PPM1H: variants seen among roughly 807,000 people sequenced by gnomAD.
The protein encoded by PPM1H is protein phosphatase 1H.
PPM1H carries 27 observed loss-of-function variants against 54.9 expected under a neutral mutation model. The observed-to-expected ratio is 0.49, with a 90% CI of 0.36 to 0.68. The LOEUF is 0.68. Among genes scored for constraint, PPM1H ranks in the 30% least tolerant of loss-of-function variants. PPM1H has a pLI of 0.00. For missense variants in PPM1H, 596 were observed against 667.8 expected (o/e 0.89, Z 1.19); for synonymous variants, 305 against 270.8 (o/e 1.13, Z -1.24).
intron 2 of PPM1H, among the ~76,000 whole-genome samples, chr12:62,826,241 G>T (rs923781569): frequency 1.3e-5 from 2 of 152,200 alleles, no homozygotes; most frequent in African/African-American, 4.8e-5. Context: ...CCTGAGGTCA[G>T]AAGTTCAAGA....
At chr12:62,878,340 G>T (rs1870256419) in intron 1 of PPM1H, among the ~76,000 whole-genome samples, 1 of 152,120 alleles carries the variant, frequency 6.6e-6, no homozygotes, top group Non-Finnish European at 1.5e-5. Context: ...GCACACGATG[G>T]AGATGGAAAG....
At chr12:62,838,342 G>T (rs987872707) in intron 1 of PPM1H, among the ~76,000 whole-genome samples, 6 of 136,322 alleles carry the variant, frequency 4.4e-5, no homozygotes, top group South Asian at 2.3e-4. Context: ...TGTGTGTGGG[G>T]GGGGGGAGAT....
At chr12:62,878,007 C>T (rs1219372569) in intron 1 of PPM1H, among the ~76,000 whole-genome samples, 5 of 151,772 alleles carry the variant, frequency 3.3e-5, no homozygotes, top group Non-Finnish European at 5.9e-5. Context: ...ACACCATTCT[C>T]CTGTCTCAGC....
At chr12:62,857,204 G>C (rs578151781) in intron 1 of PPM1H, among the ~76,000 whole-genome samples, 6 of 147,388 alleles carry the variant, frequency 4.1e-5, no homozygotes, top group Middle Eastern at 3.5e-3. Flanking sequence ...CTGGCACAAA[G>C]ACAGCACTCA....
intron 6 of PPM1H, among the ~76,000 whole-genome samples, chr12:62,703,975 C>CGT (rs4026211): frequency 0.013 from 1,914 of 146,626 alleles, 28 homozygotes; most frequent in African/African-American, 0.038. Flanking sequence ...AGAGAGAAAG[C>CGT]GTGTGTGTGT....
intron 2 of PPM1H, among the ~76,000 whole-genome samples, chr12:62,823,838 C>T (rs2120825745): frequency 6.6e-6 from 1 of 152,286 alleles, no homozygotes; most frequent in Middle Eastern, 3.4e-3. Flanking sequence ...AAAACTGGCA[C>T]AAGACAGGGA....
intron 6 of PPM1H, among the ~76,000 whole-genome samples, chr12:62,709,148 G>A (rs1300194570): frequency 6.6e-6 from 1 of 152,138 alleles, no homozygotes; most frequent in Non-Finnish European, 1.5e-5. Flanking sequence ...TCACTTATGT[G>A]AGCCTCCCGG....
At chr12:62,782,375 G>T (rs557761911) in intron 4 of PPM1H, among the ~76,000 whole-genome samples, 1 of 152,186 alleles carries the variant, frequency 6.6e-6, no homozygotes, top group Non-Finnish European at 1.5e-5. Context: ...ATTTAGGAAC[G>T]TAAGTCCTGT....
chr12:62,824,047 C>A (rs2120826564), intron 2 of PPM1H, among the ~76,000 whole-genome samples: 1 of 151,168 alleles, frequency 6.6e-6, no homozygotes, highest in Non-Finnish European at 1.5e-5. Flanking sequence ...GCAACTTCAG[C>A]AAAGTCTCAG....
chr12:62,793,740 C>CAAAAAAAAAAAAAAAAAAAAAA (rs34457644), intron 3 of PPM1H, among the ~76,000 whole-genome samples: 3 of 61,222 alleles, frequency 4.9e-5, no homozygotes, highest in African/African-American at 1.7e-4. Flanking sequence ...AACTCCGTTT[C>CAAAAAAAAAAAAAAAAAAAAAA]AAAAAAAAAA....
intron 1 of PPM1H, among the ~76,000 whole-genome samples, chr12:62,911,461 C>T (rs1871457657): frequency 6.8e-6 from 1 of 147,286 alleles, no homozygotes; most frequent in South Asian, 2.1e-4. Flanking sequence ...CATTTACTGA[C>T]CTTAATTACC....
chr12:62,794,891 A>G (rs1391673601), intron 3 of PPM1H, among the ~76,000 whole-genome samples: 1 of 152,208 alleles, frequency 6.6e-6, no homozygotes, highest in East Asian at 1.9e-4. Context: ...GGGAAGCAGA[A>G]TTGAAGTCAG....
Position 62,678,121 on chromosome 12 carries a change from G to A in PPM1H, c.1246-10792C>T, listed in dbSNP as rs558540045. Among the ~76,000 whole-genome samples the A allele has an allele frequency of 6.6e-4, 100 of 152,202 alleles. 1 individual carries two copies. The highest frequency in any genetic ancestry group is 1.4e-3 in the Admixed American group (21 of 15,284). On this transcript the variant is annotated intron_variant, in intron 8 of 9. Coordinates refer to ENST00000228705, the MANE Select transcript of PPM1H (RefSeq NM_020700.2). ...ACTACCATGCCTGGCTAAGTTTTGT[G>A]TTGTTTTTAGAGACAGGGTCTCACT...
chr12:62,696,990 T>A (rs2076118371), intron 6 of PPM1H, among the ~76,000 whole-genome samples: 1 of 152,144 alleles, frequency 6.6e-6, no homozygotes, highest in African/African-American at 2.4e-5. Context: ...AAAAGAAGAC[T>A]TTTGGCAAAA....
At chr12:62,674,767 G>A (rs893063533) in intron 8 of PPM1H, among the ~76,000 whole-genome samples, 1 of 152,252 alleles carries the variant, frequency 6.6e-6, no homozygotes, top group Non-Finnish European at 1.5e-5. Flanking sequence ...TACACGAAGA[G>A]GAAGCTGCAG....
chr12:62,721,623 G>A (rs1382108288), intron 5 of PPM1H, among the ~76,000 whole-genome samples: 3 of 152,182 alleles, frequency 2.0e-5, no homozygotes, highest in Non-Finnish European at 4.4e-5. Flanking sequence ...GGGAAGGAAT[G>A]AAGGGAACTA....
At chr12:62,686,629 T>G (rs181039341) in intron 8 of PPM1H, among the ~76,000 whole-genome samples, 10 of 152,356 alleles carry the variant, frequency 6.6e-5, no homozygotes, top group Non-Finnish European at 1.5e-4. Flanking sequence ...GGGGGAACTT[T>G]GGACACCTAA....
At chr12:62,917,245 A>G (rs1016179070) in intron 1 of PPM1H, among the ~76,000 whole-genome samples, 2 of 152,234 alleles carry the variant, frequency 1.3e-5, no homozygotes, top group Non-Finnish European at 2.9e-5. Flanking sequence ...TTAACGGCCA[A>G]AGTGGGAGAA....
At chr12:62,812,190 T>C (rs1352114511) in intron 2 of PPM1H, among the ~76,000 whole-genome samples, 1 of 152,236 alleles carries the variant, frequency 6.6e-6, no homozygotes. Context: ...AGTAATTGCA[T>C]ACGTGTCTGA....
Sources: gnomAD v4.1 joint callset for allele counts (sites outside exome capture counted in the v4.1 genomes callset) on GRCh38, gnomAD v4.1.1 for gene constraint, MANE v1.5 for transcripts, NCBI Gene and HGNC (gene_info 2026-07-23, HGNC 2026-07-21) for gene names.